PPTC7: variants seen among roughly 807,000 people sequenced by gnomAD.
PPTC7 encodes protein phosphatase targeting COQ7.
Under a neutral mutation model 30.8 loss-of-function variants are expected in PPTC7, and 6 were observed. That is an observed-to-expected ratio of 0.19 (90% CI 0.11 to 0.38). The LOEUF is 0.38. PPTC7 is among the 10% of genes least tolerant of loss of function. The probability of loss-of-function intolerance (pLI) is 1.00; values close to 1 mark genes in which losing one functional copy is unlikely to be tolerated. For missense variants in PPTC7, 218 were observed against 404.8 expected (o/e 0.54, Z 3.96); for synonymous variants, 163 against 168.1 (o/e 0.97, Z 0.23).
At chr12:110,562,225 C>T (rs1463940282) in intron 1 of PPTC7, among the ~76,000 whole-genome samples, 1 of 125,208 alleles carries the variant, frequency 8.0e-6, no homozygotes, top group East Asian at 2.7e-4. Flanking sequence ...GCGGAGGTTG[C>T]ACAGGGAGCT....
rs145881242 is a variant in PPTC7 at position 110,560,422 on chromosome 12, A to C, written c.224-8454T>G. On this transcript the variant is annotated intron_variant, in intron 1 of 5. Coordinates refer to ENST00000354300, the MANE Select transcript of PPTC7 (RefSeq NM_139283.2). ...GTCTCAAAAAATAAAAAATAAAAAA[A>C]GGTAGTTATAACCAAATGATAGCTA... 6.8e-3 allele frequency among the ~76,000 whole-genome samples: 1,034 copies of C among 152,218 alleles called. 1 individual carries two copies. The highest frequency in any genetic ancestry group is 9.4e-3 in the Non-Finnish European group (636 of 68,012).
intron 1 of PPTC7, among the ~76,000 whole-genome samples, chr12:110,561,934 C>T (rs985877561): frequency 6.6e-6 from 1 of 151,854 alleles, no homozygotes; most frequent in African/African-American, 2.4e-5. Context: ...ACAGCAAGAC[C>T]TGCCTCAAAA....
At chr12:110,577,123 C>T (rs185543178) in intron 1 of PPTC7, among the ~76,000 whole-genome samples, 50 of 146,564 alleles carry the variant, frequency 3.4e-4, no homozygotes, top group African/African-American at 1.2e-3. Flanking sequence ...GCCAAGATCG[C>T]GCCACTGCTC....
intron 2 of PPTC7, among the ~76,000 whole-genome samples, chr12:110,549,260 T>A (rs912819790): frequency 1.3e-5 from 2 of 152,196 alleles, no homozygotes; most frequent in African/African-American, 4.8e-5. Flanking sequence ...ACAATTAGTC[T>A]GTAATGCCCT....
intron 1 of PPTC7, among the ~76,000 whole-genome samples, chr12:110,580,226 C>T (rs1320985813): frequency 6.6e-6 from 1 of 152,120 alleles, no homozygotes; most frequent in African/African-American, 2.4e-5. Flanking sequence ...ACTGGATTTC[C>T]ACCAGGATGT....
At chr12:110,540,301 C>T (rs1460039377) in intron 3 of PPTC7, among the ~76,000 whole-genome samples, 3 of 145,520 alleles carry the variant, frequency 2.1e-5, no homozygotes, top group African/African-American at 5.1e-5. Context: ...TCTTTACAGC[C>T]GAATTCCATC....
chr12:110,564,673 T>C (rs1256790046), intron 1 of PPTC7, among the ~76,000 whole-genome samples: 4 of 152,000 alleles, frequency 2.6e-5, no homozygotes, highest in East Asian at 1.9e-4. Context: ...ACTTTTTTTT[T>C]CCTTTAAACG....
chr12:110,552,510 T>C (rs1200190313), intron 1 of PPTC7, among the ~76,000 whole-genome samples: 1 of 152,216 alleles, frequency 6.6e-6, no homozygotes, highest in Admixed American at 6.5e-5. Context: ...CAGCCATTCC[T>C]TACATGGTTA....
chr12:110,574,152 A>T (rs1209995776), intron 1 of PPTC7, among the ~76,000 whole-genome samples: 32 of 138,356 alleles, frequency 2.3e-4, no homozygotes, highest in Non-Finnish European at 4.1e-4. Context: ...AAAAAAAAAA[A>T]AAAAAAAAAA....
chr12:110,562,283 T>A (rs1159634471), intron 1 of PPTC7, among the ~76,000 whole-genome samples: 2 of 40,726 alleles, frequency 4.9e-5, no homozygotes, highest in East Asian at 9.4e-4. Context: ...TGAGACTCCA[T>A]CTCAAAAAAA....
In PPTC7 at chr12:110,546,068, G is replaced by T. The variant is rs547176469; in HGVS notation, c.414C>A (p.Thr138=). Residue 138 remains threonine, a synonymous_variant, in exon 3 of 6, where the codon ACC becomes ACA. Transcript: ENST00000354300. ...QNKVPLLGSS[T]ACIVVLDRTS... is the part of the protein sequence containing the mutation. ...TTCTGTCCAGCACCACAATGCAGGC[G>T]GTGCTGCTACCTAGAAACAAAAATC... 2.5e-6 allele frequency: 4 copies of T among 1,613,578 alleles called. No homozygotes were observed. Among genetic ancestry groups the T allele is most frequent in the African/African-American group, 2.7e-5 (2 of 75,002 alleles).
intron 1 of PPTC7, among the ~76,000 whole-genome samples, chr12:110,580,469 G>A (rs2064627324): frequency 1.3e-5 from 2 of 152,070 alleles, no homozygotes; most frequent in African/African-American, 4.8e-5. Flanking sequence ...CTCGCTAGTA[G>A]CTGGGACTAC....
intron 3 of PPTC7, among the ~76,000 whole-genome samples, chr12:110,540,184 CTGA>C (rs2064247044): frequency 1.3e-5 from 2 of 152,052 alleles, no homozygotes; most frequent in Non-Finnish European, 2.9e-5. Flanking sequence ...AAAACCAAGT[CTGA>C]TGATTAGTCA....
intron 1 of PPTC7, among the ~76,000 whole-genome samples, chr12:110,565,702 T>C (rs190642489): frequency 6.6e-6 from 1 of 152,356 alleles, no homozygotes; most frequent in Admixed American, 6.5e-5. Flanking sequence ...ATTTACTGTA[T>C]GCAAGACACT....
intron 1 of PPTC7, among the ~76,000 whole-genome samples, chr12:110,572,617 A>G (rs2064547470): frequency 6.6e-6 from 1 of 152,224 alleles, no homozygotes; most frequent in Admixed American, 6.5e-5. Flanking sequence ...CTCTTTGTAG[A>G]AAGTCACTTT....
intron 1 of PPTC7, among the ~76,000 whole-genome samples, chr12:110,577,442 T>C (rs977536336): frequency 3.3e-5 from 5 of 152,124 alleles, no homozygotes; most frequent in Non-Finnish European, 7.4e-5. Context: ...TGAAGGTGAC[T>C]ACTTTTTTAA....
intron 1 of PPTC7, among the ~76,000 whole-genome samples, chr12:110,565,359 C>T (rs1593160337): frequency 6.6e-6 from 1 of 151,590 alleles, no homozygotes; most frequent in Non-Finnish European, 1.5e-5. Flanking sequence ...CAGGTTCAAG[C>T]GATTCTCTGC....
chr12:110,563,680 T>C (rs1300921810), intron 1 of PPTC7, among the ~76,000 whole-genome samples: 1 of 152,010 alleles, frequency 6.6e-6, no homozygotes. Context: ...ATCAAAGCTG[T>C]AGTAAGCGGT....
intron 1 of PPTC7, among the ~76,000 whole-genome samples, chr12:110,577,616 T>G (rs933235210): frequency 2.6e-5 from 4 of 152,212 alleles, no homozygotes; most frequent in African/African-American, 9.6e-5. Context: ...CTTTTAAGAC[T>G]GACATTACTC....
Sources: gnomAD v4.1 joint callset for allele counts (sites outside exome capture counted in the v4.1 genomes callset) on GRCh38, gnomAD v4.1.1 for gene constraint, MANE v1.5 for transcripts, NCBI Gene and HGNC (gene_info 2026-07-23, HGNC 2026-07-21) for gene names.